KIF13A: variants seen among roughly 807,000 people sequenced by gnomAD.
The protein encoded by KIF13A is kinesin family member 13A, also known as kinesin-like protein KIF13A.
Under a neutral mutation model 212.2 loss-of-function variants are expected in KIF13A, and 79 were observed. The ratio of observed to expected loss-of-function variants is 0.37; its 90% CI spans 0.31 to 0.45. The LOEUF is 0.45. Ranked by LOEUF, KIF13A falls within the 20% of genes least tolerant of loss-of-function variation. KIF13A has a pLI of 1.00. For synonymous variants in KIF13A, 789 were observed against 808.6 expected (o/e 0.98, Z 0.41); for missense variants, 1,901 against 2,209.0 (o/e 0.86, Z 2.79).
intron 19 of KIF13A, among the ~76,000 whole-genome samples, 162 bp from the exon 20 acceptor site, chr6:17,804,672 G>A (rs1300055462): frequency 6.6e-6 from 1 of 151,526 alleles, no homozygotes; most frequent in African/African-American, 2.4e-5. Flanking sequence ...AATTAGCTGG[G>A]CGTGGTGGCG....
Position 17,773,406 on chromosome 6 carries a change from T to C in KIF13A, c.4324+72A>G, listed in dbSNP as rs944939540. ...TTCATATCTTATTATATGCCATTAA[T>C]GAAAGACATTTTTTCATACTTTTTC... On this transcript the variant is annotated intron_variant, in intron 36 of 38. Transcript: ENST00000259711. This position sits in a 1 kb window ranked among gnomAD's most constrained non-coding sequence, Gnocchi z 4.2. 1.2e-6 allele frequency: 1 copy of C among 855,340 alleles called. No homozygotes were observed. The highest frequency in any genetic ancestry group is 1.9e-6 in the Non-Finnish European group (1 of 516,786). The allele number at this position is 855,340 out of a possible 1,614,324, so 53.0% of individuals were successfully genotyped here. A position where few individuals can be genotyped will look rare whatever the true frequency, so the allele number is the denominator to read the frequency against.
At chr6:17,916,993 G>A (rs1216707279) in intron 2 of KIF13A, among the ~76,000 whole-genome samples, 5 of 149,084 alleles carry the variant, frequency 3.4e-5, no homozygotes, top group Non-Finnish European at 7.4e-5. Context: ...CATTACTATT[G>A]CAATACTTGA....
At chr6:17,882,292 T>C in intron 3 of KIF13A, 1 of 254,404 alleles carries the variant, frequency 3.9e-6, no homozygotes, top group Non-Finnish European at 8.2e-6. Flanking sequence ...GGCATGTTTG[T>C]ATCCTCTTGC....
intron 4 of KIF13A, among the ~76,000 whole-genome samples, chr6:17,862,731 G>A (rs1581563160): frequency 6.6e-6 from 1 of 152,252 alleles, no homozygotes; most frequent in Non-Finnish European, 1.5e-5. Flanking sequence ...GGTGAATCAC[G>A]AGGTCAGGAG....
rs568107590 is a variant in KIF13A, at chr6:17,929,043, A to T, written c.147-30863T>A. Among the ~76,000 whole-genome samples, 70 of 148,374 alleles carry T rather than the reference A, an allele frequency of 4.7e-4. No individual in the cohort carries two copies. In the South Asian group the frequency reaches 0.015, roughly 31 times the overall value. ...GAGCTCATGCCACAGCAATAACTCA[A>T]AAGAAAAGAATTTCTCAAAAAAAAA... On this transcript the variant is annotated intron_variant, in intron 2 of 38. Transcript: ENST00000259711.
intron 2 of KIF13A, among the ~76,000 whole-genome samples, chr6:17,941,971 G>A (rs1776994101): frequency 6.6e-6 from 1 of 151,970 alleles, no homozygotes; most frequent in Non-Finnish European, 1.5e-5. Context: ...AAATTAACTT[G>A]TTCTCTGAAT....
Position 17,873,365 on chromosome 6 carries a change from G to C in KIF13A, c.220+12C>G, listed in dbSNP as rs1284987674. The C allele has an allele frequency of 6.3e-7, 1 of 1,581,872 alleles. No individual in the cohort carries two copies. Among genetic ancestry groups the C allele is most frequent in the East Asian group, 2.3e-5 (1 of 44,050 alleles). Reference sequence around the variant, plus strand: ...GAAGCCCAACTGTCAGGTGTAGAGGGAGAAAACTTACCAGCGTATTTTGTA... The same window carrying C: ...GAAGCCCAACTGTCAGGTGTAGAGGCAGAAAACTTACCAGCGTATTTTGTA... On this transcript the variant is annotated intron_variant, in intron 4 of 38. Transcript: ENST00000259711.
intron 35 of KIF13A, among the ~76,000 whole-genome samples, chr6:17,774,267 A>ATG (rs1439222429): frequency 3.9e-5 from 6 of 152,072 alleles, no homozygotes; most frequent in Non-Finnish European, 8.8e-5. Context: ...TATTCAAGAA[A>ATG]TATTTGTTGA....
Position 17,787,396 on chromosome 6 carries a change from C to T in KIF13A, c.3361+380G>A, listed in dbSNP as rs6932351. Among the ~76,000 whole-genome samples, 6,558 of 152,160 alleles carry T rather than the reference C, an allele frequency of 0.043. 485 individuals are homozygous for T. The highest frequency in any genetic ancestry group is 0.15 in the African/African-American group (6,184 of 41,484). Reference sequence around the variant, plus strand: ...GGCTGGGCGCAGTGGCTAACACCTGCAATTCCAGCAGTTTGGGAGGCTGAA... The same window carrying T: ...GGCTGGGCGCAGTGGCTAACACCTGTAATTCCAGCAGTTTGGGAGGCTGAA... On this transcript the variant is annotated intron_variant, in intron 27 of 38. Transcript: ENST00000259711. The surrounding 1 kb of genome is among the most constrained non-coding windows in gnomAD (Gnocchi z 4.6).
At position 17,850,249 on chromosome 6, in the gene KIF13A, T is replaced by C. The variant is rs188734878; in HGVS notation, c.717+74A>G. The C allele has an allele frequency of 5.4e-4, 773 of 1,439,222 alleles. 5 individuals are homozygous for C. In the African/African-American group the frequency reaches 9.7e-3, roughly 18 times the overall value. The allele number at this position is 1,439,222 out of a possible 1,614,324, so 89.2% of individuals were successfully genotyped here. A position where few individuals can be genotyped will look rare whatever the true frequency, so the allele number is the denominator to read the frequency against. On this transcript the variant is annotated intron_variant, in intron 8 of 38. Transcript: ENST00000259711. The surrounding 1 kb of genome is among the most constrained non-coding windows in gnomAD (Gnocchi z 6.2). ...AATTCTCAGCCACTGAACCCAACCATGAAAGACTTTACCTATATGGACACT... is the reference window on the plus strand; with the variant it reads ...AATTCTCAGCCACTGAACCCAACCACGAAAGACTTTACCTATATGGACACT...
Position 17,789,855 on chromosome 6 carries a change from G to T in KIF13A, c.3261+17C>A. 1.2e-6 allele frequency: 2 copies of T among 1,608,420 alleles called. No homozygotes were observed. Among genetic ancestry groups the T allele is most frequent in the South Asian group, 2.2e-5 (2 of 90,602 alleles). Reference sequence around the variant, plus strand: ...TAGCTGTGCCCCATGCCACAGGATTGACAGCAGTAGCAATACCTGATAACT... The same window carrying T: ...TAGCTGTGCCCCATGCCACAGGATTTACAGCAGTAGCAATACCTGATAACT... On this transcript the variant is annotated intron_variant, in intron 26 of 38. Transcript: ENST00000259711. The surrounding 1 kb of genome is among the most constrained non-coding windows in gnomAD (Gnocchi z 4.8).
At position 17,826,103 on chromosome 6, in the gene KIF13A, A is replaced by G. The variant is rs1163576556; in HGVS notation, c.1554T>C (p.Leu518=). 1 of 1,613,934 alleles carries G rather than the reference A, an allele frequency of 6.2e-7. No individual in the cohort carries two copies. The highest frequency in any genetic ancestry group is 2.2e-5 in the East Asian group (1 of 44,886). The change falls in exon 15 of 39, where the codon CTT becomes CTC. Residue 518 remains leucine (L), a synonymous_variant. Transcript: ENST00000259711. The surrounding 1 kb of genome is among the most constrained non-coding windows in gnomAD (Gnocchi z 4.7). The part of the protein sequence containing the change: ...ENARSCVNGT[L]VCSTTQLWHG... ...GCCACAGCTGGGTGGTACTGCACACAAGGGTGCCGTTCACACAGGACCTGG... is the reference window on the plus strand; with the variant it reads ...GCCACAGCTGGGTGGTACTGCACACGAGGGTGCCGTTCACACAGGACCTGG...
chr6:17,764,122 C>A lies in KIF13A; in HGVS notation c.5406G>T (p.Leu1802=), dbSNP rs757359984. The change falls in exon 39 of 39, where the codon CTG becomes CTT. Residue 1802 remains leucine (L), a synonymous_variant. Transcript: ENST00000259711. This position sits in a 1 kb window ranked among gnomAD's most constrained non-coding sequence, Gnocchi z 5.1. The stretch of plus-strand genomic sequence containing the variant: ...CAGTTAGACATACTCATTGACAGCA[C>A]AGAACCCAAAAGGCTGCCTCTGGAA... ...VIIPEAAFWV[L]CCQ 3.1e-6 allele frequency: 5 copies of A among 1,613,646 alleles called. No homozygotes were observed. Among genetic ancestry groups the A allele is most frequent in the African/African-American group, 1.3e-5 (1 of 74,920 alleles).
At chr6:17,790,773 T>C (rs1761465212) in intron 25 of KIF13A, among the ~76,000 whole-genome samples, 1 of 152,150 alleles carries the variant, frequency 6.6e-6, no homozygotes, top group African/African-American at 2.4e-5. Flanking sequence ...GCTATATACA[T>C]ACAAGGGTCT....
rs574676010 is a variant in KIF13A at position 17,872,936 on chromosome 6, G to A, written c.220+441C>T. On this transcript the variant is annotated intron_variant, in intron 4 of 38. Coordinates refer to ENST00000259711, the MANE Select transcript of KIF13A (RefSeq NM_022113.6). The surrounding 1 kb of genome is among the most constrained non-coding windows in gnomAD (Gnocchi z 4.7). ...CAGATGTGAGCCACCATGCCCGGAC[G>A]AAAAATAAATTTTTAAAAAGATGAA... Among the ~76,000 whole-genome samples the A allele has an allele frequency of 7.4e-4, 112 of 152,096 alleles. No homozygotes were observed. Among genetic ancestry groups the A allele is most frequent in the African/African-American group, 2.6e-3 (109 of 41,518 alleles).
Position 17,804,379 on chromosome 6 carries a change from G to A in KIF13A, c.2436C>T (p.Ile812=). ...CDVKLQYAVP[I]ISQQGEVAGR... The stretch of plus-strand genomic sequence containing the variant: ...TGCTTACCTCCCCCTGCTGGCTGAT[G>A]ATAGGGACTGCATACTGAAGTTTCA... The change falls in exon 20 of 39, where the codon ATC becomes ATT. Residue 812 remains isoleucine (I), a synonymous_variant. Coordinates refer to ENST00000259711, the MANE Select transcript of KIF13A (RefSeq NM_022113.6). 1.3e-6 allele frequency: 2 copies of A among 1,548,230 alleles called. No individual in the cohort carries two copies. The highest frequency in any genetic ancestry group is 2.0e-5 in the Admixed American group (1 of 50,544).
In KIF13A at chr6:17,900,892, C is replaced by A. The variant is rs1249745410; in HGVS notation, c.147-2712G>T. On this transcript the variant is annotated intron_variant, in intron 2 of 38. Transcript: ENST00000259711. This position sits in a 1 kb window ranked among gnomAD's most constrained non-coding sequence, Gnocchi z 4.6. ...AGGGGATCGAGACCATCCTGGTTAA[C>A]ACGGTGAAACCCCGCCTCTACTAAA... 1.3e-5 allele frequency among the ~76,000 whole-genome samples: 2 copies of A among 151,900 alleles called. No individual in the cohort carries two copies. Among genetic ancestry groups the A allele is most frequent in the Non-Finnish European group, 2.9e-5 (2 of 67,906 alleles).
intron 12 of KIF13A, among the ~76,000 whole-genome samples, chr6:17,832,990 G>A (rs1318401613): frequency 2.2e-5 from 3 of 135,904 alleles, no homozygotes; most frequent in African/African-American, 9.0e-5. Context: ...CTCCAGCCTG[G>A]GCGACAGAGA....
Position 17,789,937 on chromosome 6 carries a change from A to C in KIF13A, c.3223-27T>G. The C allele has an allele frequency of 6.2e-7, 1 of 1,603,460 alleles. No homozygotes were observed. ...TGGTAGGAAAAAATAAACACAAAGGACAAGCATTTTGTTTTTCAAACCACA... is the reference window on the plus strand; with the variant it reads ...TGGTAGGAAAAAATAAACACAAAGGCCAAGCATTTTGTTTTTCAAACCACA... On this transcript the variant is annotated intron_variant, in intron 25 of 38. Coordinates refer to ENST00000259711, the MANE Select transcript of KIF13A (RefSeq NM_022113.6). This position sits in a 1 kb window ranked among gnomAD's most constrained non-coding sequence, Gnocchi z 4.8.
Sources: allele counts gnomAD v4.1 joint callset (sites outside exome capture counted in the v4.1 genomes callset), GRCh38; gene constraint gnomAD v4.1.1; non-coding constraint Gnocchi (gnomAD v3.1); transcripts MANE v1.5; gene names NCBI Gene and HGNC (gene_info 2026-07-23, HGNC 2026-07-21).